The following IMMP2L variants were observed in gnomAD, a reference collection of about 807,000 sequenced individuals.
IMMP2L encodes the protein mitochondrial inner membrane protease subunit 2.
Under a neutral mutation model 19.3 loss-of-function variants are expected in IMMP2L, and 18 were observed. That is an observed-to-expected ratio of 0.93 (90% confidence interval 0.64 to 1.38). The LOEUF is 1.38. Ranked by LOEUF, IMMP2L falls within the 40% of genes most tolerant of loss-of-function variation. IMMP2L has a pLI of 0.00. For missense variants in IMMP2L, 233 were observed against 218.2 expected, an observed-to-expected ratio of 1.07 and a Z score of -0.43; for synonymous variants, 76 against 73.0, an observed-to-expected ratio of 1.04 and a Z score of -0.21.
intron 5 of IMMP2L, among the ~76,000 whole-genome samples, chr7:110,825,852 TA>T (rs1332880925): frequency 2.0e-5 from 3 of 152,030 alleles, no homozygotes; most frequent in African/African-American, 7.2e-5. Context: ...CTAATTAAAC[TA>T]AAGAGCTTCT....
chr7:111,486,849 G>T (rs1388462984), intron 3 of IMMP2L, among the ~76,000 whole-genome samples: 1 of 152,040 alleles, frequency 6.6e-6, no homozygotes, highest in Non-Finnish European at 1.5e-5. Context: ...TGATTTTCAT[G>T]TCATAATTAT....
chr7:111,377,232 C>G (rs190053410), intron 3 of IMMP2L, among the ~76,000 whole-genome samples: 39 of 151,870 alleles, frequency 2.6e-4, no homozygotes, highest in African/African-American at 8.9e-4. Context: ...TCTTTCCTTT[C>G]CATTTCATAT....
At chr7:111,196,014 G>T (rs1188082805) in intron 3 of IMMP2L, among the ~76,000 whole-genome samples, 1 of 151,862 alleles carries the variant, frequency 6.6e-6, no homozygotes, top group Non-Finnish European at 1.5e-5. Context: ...CACAGGTGGG[G>T]TATGCCACCA....
At chr7:110,851,244 A>T (rs1265270428) in intron 5 of IMMP2L, among the ~76,000 whole-genome samples, 1 of 152,168 alleles carries the variant, frequency 6.6e-6, no homozygotes, top group Non-Finnish European at 1.5e-5. Context: ...GTTCACAGGT[A>T]CACAAAGATT....
chr7:111,233,135 A>G (rs932860813), intron 3 of IMMP2L, among the ~76,000 whole-genome samples: 1 of 152,144 alleles, frequency 6.6e-6, no homozygotes, highest in Non-Finnish European at 1.5e-5. Context: ...ATGAATGTAC[A>G]CTTTATCCAA....
At chr7:110,896,134 A>T (rs542918855) in intron 4 of IMMP2L, among the ~76,000 whole-genome samples, 1 of 152,302 alleles carries the variant, frequency 6.6e-6, no homozygotes, top group African/African-American at 2.4e-5. Flanking sequence ...CATTTTAAAA[A>T]GTAATGACAA....
intron 3 of IMMP2L, among the ~76,000 whole-genome samples, chr7:111,155,770 T>C (rs1804580758): frequency 6.6e-6 from 1 of 152,124 alleles, no homozygotes. Context: ...AACATAGATA[T>C]TGTAAAGTGT....
chr7:111,483,880 C>A (rs1243867104), intron 3 of IMMP2L, among the ~76,000 whole-genome samples: 2 of 152,136 alleles, frequency 1.3e-5, no homozygotes, highest in Non-Finnish European at 2.9e-5. Flanking sequence ...ATACTAATGG[C>A]AGCAAACCAG....
At chr7:111,528,223 A>G (rs1006802815) in intron 1 of IMMP2L, among the ~76,000 whole-genome samples, 16 of 152,142 alleles carry the variant, frequency 1.1e-4, no homozygotes, top group African/African-American at 3.9e-4. Flanking sequence ...TTCACACCTT[A>G]AATGTTTAAA....
intron 3 of IMMP2L, among the ~76,000 whole-genome samples, chr7:111,243,248 ATATT>A (rs1374611688): frequency 6.6e-6 from 1 of 151,966 alleles, no homozygotes; most frequent in Non-Finnish European, 1.5e-5. Flanking sequence ...GAATTATAAA[ATATT>A]TATTATGCTA....
At chr7:111,290,604 T>C (rs111728150) in intron 3 of IMMP2L, among the ~76,000 whole-genome samples, 4 of 152,132 alleles carry the variant, frequency 2.6e-5, no homozygotes, top group African/African-American at 9.6e-5. Context: ...CCAGTTCCTA[T>C]TTCTGTCAAG....
chr7:110,894,853 T>G (rs1247971346), intron 4 of IMMP2L, among the ~76,000 whole-genome samples: 1 of 152,208 alleles, frequency 6.6e-6, no homozygotes, highest in Non-Finnish European at 1.5e-5. Flanking sequence ...ATAATTTTTA[T>G]GCAGTCTGAG....
intron 5 of IMMP2L, among the ~76,000 whole-genome samples, chr7:110,842,622 A>G (rs575905360): frequency 6.6e-6 from 1 of 152,318 alleles, no homozygotes; most frequent in East Asian, 1.9e-4. Flanking sequence ...CAGGAAGACA[A>G]AATAGGTAAG....
intron 5 of IMMP2L, among the ~76,000 whole-genome samples, chr7:110,844,693 T>TAGCGAACCAGCA (rs1563019069): frequency 8.6e-6 from 1 of 116,742 alleles, no homozygotes; most frequent in Admixed American, 8.8e-5. Context: ...GGGAAGACAG[T>TAGCGAACCAGCA]TAAGAAACTT....
intron 3 of IMMP2L, among the ~76,000 whole-genome samples, chr7:111,082,271 G>T (rs890342932): frequency 6.6e-6 from 1 of 152,168 alleles, no homozygotes; most frequent in Non-Finnish European, 1.5e-5. Context: ...ACCCTAACAA[G>T]AGCAGGAATT....
intron 3 of IMMP2L, among the ~76,000 whole-genome samples, chr7:111,338,013 T>C (rs1436113830): frequency 6.6e-6 from 1 of 152,032 alleles, no homozygotes; most frequent in Non-Finnish European, 1.5e-5. Flanking sequence ...TAGATTACGA[T>C]TCAGGGCAAC....
intron 3 of IMMP2L, among the ~76,000 whole-genome samples, chr7:111,192,485 C>T (rs781293919): frequency 5.9e-5 from 9 of 152,072 alleles, no homozygotes; most frequent in African/African-American, 9.7e-5. Flanking sequence ...CTTTTCTTTT[C>T]GCTTCTTCCA....
At chr7:111,146,058 A>G (rs1803432445) in intron 3 of IMMP2L, among the ~76,000 whole-genome samples, 1 of 152,150 alleles carries the variant, frequency 6.6e-6, no homozygotes, top group African/African-American at 2.4e-5. Flanking sequence ...AAATGAATTC[A>G]GAGGAATATA....
intron 1 of IMMP2L, among the ~76,000 whole-genome samples, chr7:111,533,955 T>G (rs1310544127): frequency 6.6e-6 from 1 of 151,882 alleles, no homozygotes; most frequent in Middle Eastern, 3.2e-3. Context: ...ACAATTCTTA[T>G]AAAGTATAAG....
Sources: allele counts gnomAD v4.1 joint callset (sites outside exome capture counted in the v4.1 genomes callset), GRCh38; gene constraint gnomAD v4.1.1; transcripts MANE v1.5; gene names NCBI Gene and HGNC (gene_info 2026-07-23, HGNC 2026-07-21).